GABRG3: variants seen among roughly 807,000 people sequenced by gnomAD.
GABRG3 encodes the protein gamma-aminobutyric acid type A receptor subunit gamma3, also known as gamma-aminobutyric acid receptor subunit gamma-3.
Under a neutral mutation model 48.8 loss-of-function variants are expected in GABRG3, and 25 were observed. The ratio of observed to expected loss-of-function variants is 0.51; its 90% confidence interval spans 0.37 to 0.72. GABRG3 has a LOEUF of 0.72. Among genes scored for constraint, GABRG3 ranks in the 30% least tolerant of loss-of-function variants. The pLI, the probability that GABRG3 is intolerant of heterozygous loss-of-function variation, is 0.00. For synonymous variants in GABRG3, 227 were observed against 217.6 expected (o/e 1.04, Z -0.38); for missense variants, 394 against 577.9 (o/e 0.68, Z 3.26).
chr15:27,294,848 G>A (rs1891925870), intron 3 of GABRG3: 1 of 152,130 alleles, frequency 6.6e-6, no homozygotes, highest in Admixed American at 6.6e-5. Context: ...CGCTATTCTA[G>A]GCCTCCTACA....
chr15:27,499,056 A>G (rs1410447084), intron 6 of GABRG3, among the ~76,000 whole-genome samples: 1 of 152,220 alleles, frequency 6.6e-6, no homozygotes, highest in Non-Finnish European at 1.5e-5. Flanking sequence ...AGACCTCGTC[A>G]GTTGCAGTGG....
intron 3 of GABRG3, among the ~76,000 whole-genome samples, chr15:27,308,163 CAT>C (rs375803478): frequency 0.65 from 30,364 of 46,836 alleles, 11,056 homozygotes; most frequent in Non-Finnish European, 0.73. Flanking sequence ...CATATATAAA[CAT>C]ATATGTTTAT....
intron 3 of GABRG3, among the ~76,000 whole-genome samples, chr15:27,086,808 C>T (rs1897084775): frequency 6.6e-6 from 1 of 152,184 alleles, no homozygotes; most frequent in African/African-American, 2.4e-5. Context: ...TCTGGAGGCT[C>T]TCTCTGAGGT....
chr15:27,312,227 A>G (rs1893021195), intron 3 of GABRG3, among the ~76,000 whole-genome samples: 2 of 152,146 alleles, frequency 1.3e-5, no homozygotes, highest in Admixed American at 1.3e-4. Flanking sequence ...GTGAACATGA[A>G]GACAGGTCAC....
intron 2 of GABRG3, among the ~76,000 whole-genome samples, chr15:26,998,278 C>A: frequency 6.6e-6 from 1 of 152,194 alleles, no homozygotes; most frequent in East Asian, 1.9e-4. Flanking sequence ...TTTTCAACAA[C>A]ACATTTAGGC....
intron 3 of GABRG3, among the ~76,000 whole-genome samples, chr15:27,239,820 A>G (rs186999050): frequency 2.0e-5 from 3 of 152,320 alleles, no homozygotes; most frequent in Admixed American, 2.0e-4. Flanking sequence ...CCATTTATAA[A>G]TTCCTCTAAT....
rs143646104 is a variant in GABRG3 at position 27,164,175 on chromosome 15, GATTA to G, written c.270+137358_270+137361del. ...TAGACACCTATTTACTCTTCACCTA[GATTA>G]ATTGTTATCCTTTACCACATTTACT... On this transcript the variant is annotated intron_variant, in intron 3 of 9. Coordinates refer to ENST00000615808, the MANE Select transcript of GABRG3 (RefSeq NM_033223.5). Among the ~76,000 whole-genome samples the G allele has an allele frequency of 1.0e-2, 1,518 of 152,196 alleles. 17 individuals are homozygous for G. The highest frequency in any genetic ancestry group is 0.013 in the Non-Finnish European group (917 of 68,002).
At chr15:27,227,514 G>A (rs1050324703) in intron 3 of GABRG3, among the ~76,000 whole-genome samples, 2 of 151,834 alleles carry the variant, frequency 1.3e-5, no homozygotes, top group African/African-American at 4.8e-5. Context: ...AATAAAAAAT[G>A]TAATAAAATA....
intron 3 of GABRG3, among the ~76,000 whole-genome samples, chr15:27,215,557 G>A (rs1889220571): frequency 6.6e-6 from 1 of 152,148 alleles, no homozygotes; most frequent in African/African-American, 2.4e-5. Context: ...AACATTGCAA[G>A]GATCCTAAGA....
At chr15:27,105,489 A>G (rs1239076837) in intron 3 of GABRG3, among the ~76,000 whole-genome samples, 1 of 152,204 alleles carries the variant, frequency 6.6e-6, no homozygotes, top group Non-Finnish European at 1.5e-5. Context: ...TCATTGAGAT[A>G]TACTGTATCT....
chr15:27,156,298 C>CAAAA (rs34055206), intron 3 of GABRG3, among the ~76,000 whole-genome samples: 95 of 77,996 alleles, frequency 1.2e-3, no homozygotes, highest in East Asian at 3.3e-3. Flanking sequence ...CACTCTGTCT[C>CAAAA]AAAAAAAAAA....
intron 2 of GABRG3, among the ~76,000 whole-genome samples, chr15:27,005,091 C>T (rs906382713): frequency 1.3e-5 from 2 of 152,078 alleles, no homozygotes; most frequent in Non-Finnish European, 2.9e-5. Context: ...ATTGGGGGTA[C>T]AGGTGGTATA....
intron 2 of GABRG3, among the ~76,000 whole-genome samples, chr15:27,016,310 GCTTTA>G (rs1285009988): frequency 6.7e-6 from 1 of 149,288 alleles, no homozygotes. Flanking sequence ...TATGACTTCA[GCTTTA>G]CTTTATCTGA....
At chr15:27,034,939 G>A (rs1469750346) in intron 3 of GABRG3, among the ~76,000 whole-genome samples, 1 of 152,178 alleles carries the variant, frequency 6.6e-6, no homozygotes, top group Non-Finnish European at 1.5e-5. Flanking sequence ...AGCTAACACT[G>A]TGTCCAGGGC....
chr15:26,997,420 A>T (rs928787443), intron 2 of GABRG3, among the ~76,000 whole-genome samples: 2 of 152,208 alleles, frequency 1.3e-5, no homozygotes, highest in South Asian at 4.1e-4. Context: ...TATTTCAAAA[A>T]AACTTTGACA....
chr15:27,051,033 C>G, intron 3 of GABRG3, among the ~76,000 whole-genome samples: 1 of 152,162 alleles, frequency 6.6e-6, no homozygotes, highest in East Asian at 1.9e-4. Context: ...AAAAGTCATA[C>G]AATGCTAGGT....
chr15:27,274,535 A>G (rs1220723108), intron 3 of GABRG3, among the ~76,000 whole-genome samples: 1 of 152,164 alleles, frequency 6.6e-6, no homozygotes, highest in African/African-American at 2.4e-5. Flanking sequence ...GAACTCACTC[A>G]CTACCATGAG....
chr15:27,132,827 C>A (rs2140384129), intron 3 of GABRG3, among the ~76,000 whole-genome samples: 1 of 150,028 alleles, frequency 6.7e-6, no homozygotes, highest in East Asian at 2.0e-4. Flanking sequence ...TTATTATTTT[C>A]TTCCTTTGCT....
rs748622911 is a variant in GABRG3 at position 27,527,473 on chromosome 15, C to G, written c.906C>G (p.Ile302Met). ...TVLTMTTLST[I>M]ARKSLPRVSY... ...TGACCATGACCACCCTGAGCACCAT[C>G]GCCAGGAAGTCCTTGCCACGCGTGT... is the stretch of plus-strand genomic sequence containing the variant. The change falls in exon 8 of 10, where the codon ATC becomes ATG. Residue 302 changes from isoleucine (I) to methionine (M), a missense_variant. Physicochemically the swap from Ile to Met is conservative, Grantham distance 10. This residue lies in a region of GABRG3 where 50 missense variants were observed against 112.5 expected (regional missense o/e 0.44). Coordinates refer to ENST00000615808, the MANE Select transcript of GABRG3 (RefSeq NM_033223.5). The G allele has an allele frequency of 3.7e-6, 6 of 1,613,948 alleles. No homozygotes were observed. In the East Asian group the frequency reaches 1.3e-4, roughly 36 times the overall value.
Sources: allele counts gnomAD v4.1 joint callset (sites outside exome capture counted in the v4.1 genomes callset), GRCh38; gene constraint gnomAD v4.1.1; regional missense constraint gnomAD v4.1.1; transcripts MANE v1.5; gene names NCBI Gene and HGNC (gene_info 2026-07-23, HGNC 2026-07-21).